The following RBFOX1 variants were observed in gnomAD, a reference collection of about 807,000 sequenced individuals.
RBFOX1 encodes the protein RNA binding protein fox-1 homolog 1.
Under a neutral mutation model 57.7 loss-of-function variants are expected in RBFOX1, and 8 were observed. That is an observed-to-expected ratio of 0.14 (90% CI 0.08 to 0.25). The LOEUF (loss-of-function observed/expected upper bound fraction) is 0.25, where lower values mean the gene tolerates loss of function less well. Ranked by LOEUF, RBFOX1 falls within the 10% of genes least tolerant of loss-of-function variation. The pLI is 1.00. For missense variants in RBFOX1, 611 were observed against 548.5 expected, an observed-to-expected ratio of 1.11 and a Z score of -1.14; for synonymous variants, 326 against 222.4, an observed-to-expected ratio of 1.47 and a Z score of -4.15.
At chr16:7,061,597 A>G (rs998559146) in intron 4 of RBFOX1, among the ~76,000 whole-genome samples, 1 of 152,160 alleles carries the variant, frequency 6.6e-6, no homozygotes, top group Non-Finnish European at 1.5e-5. Flanking sequence ...CATTTAGGAT[A>G]TTTGGCCTAA....
rs550237592 is a variant in RBFOX1, at chr16:7,669,928, C to T, written c.930+4960C>T. On this transcript the variant is annotated intron_variant, in intron 13 of 15. Coordinates refer to ENST00000550418, the MANE Select transcript of RBFOX1 (RefSeq NM_018723.4). ...AGAAATCAGGCGAATGCTGTGTTTGCAATGGGAGAGACAAGATGTTGAGTG... is the reference window on the plus strand; with the variant it reads ...AGAAATCAGGCGAATGCTGTGTTTGTAATGGGAGAGACAAGATGTTGAGTG... Among the ~76,000 whole-genome samples, 4 of 152,224 alleles carry T rather than the reference C, an allele frequency of 2.6e-5. 1 individual carries two copies. In the South Asian group the frequency reaches 8.3e-4, roughly 32 times the overall value.
chr16:6,013,065 ATTG>A (rs1043436660), intron 4 of RBFOX1, among the ~76,000 whole-genome samples: 3 of 152,040 alleles, frequency 2.0e-5, no homozygotes, highest in Non-Finnish European at 2.9e-5. Flanking sequence ...CATCATCATC[ATTG>A]TTGTCATTGT....
chr16:7,293,097 G>C (rs1435127866), intron 4 of RBFOX1, among the ~76,000 whole-genome samples: 2 of 152,154 alleles, frequency 1.3e-5, no homozygotes, highest in African/African-American at 4.8e-5. Flanking sequence ...GGATGTGATA[G>C]ATACCGTTGA....
chr16:7,484,664 A>C (rs888938363), intron 4 of RBFOX1, among the ~76,000 whole-genome samples: 72 of 152,258 alleles, frequency 4.7e-4, no homozygotes, highest in African/African-American at 1.6e-3. Context: ...AGGTTTCACC[A>C]TGTTGGTCAG....
intron 3 of RBFOX1, among the ~76,000 whole-genome samples, chr16:7,006,746 C>T (rs1358169078): frequency 6.6e-6 from 1 of 152,142 alleles, no homozygotes; most frequent in Non-Finnish European, 1.5e-5. Context: ...CCATGCCTGG[C>T]AATTAATTTG....
chr16:7,451,303 T>G (rs552773207), intron 4 of RBFOX1, among the ~76,000 whole-genome samples: 1 of 152,368 alleles, frequency 6.6e-6, no homozygotes, highest in East Asian at 1.9e-4. Flanking sequence ...AGGGATGTCT[T>G]GAACGGATGG....
At chr16:6,310,267 C>A (rs963979044) in intron 1 of RBFOX1, among the ~76,000 whole-genome samples, 2 of 152,162 alleles carry the variant, frequency 1.3e-5, no homozygotes, top group African/African-American at 4.8e-5. Flanking sequence ...AAGAGAAGAG[C>A]CTCACTGGTT....
At chr16:6,898,364 G>A (rs1472833519) in intron 3 of RBFOX1, among the ~76,000 whole-genome samples, 1 of 152,154 alleles carries the variant, frequency 6.6e-6, no homozygotes, top group Non-Finnish European at 1.5e-5. Flanking sequence ...AGAGGTGAAG[G>A]CTAAAGAATG....
At chr16:6,614,169 A>T (rs77551327) in intron 2 of RBFOX1, among the ~76,000 whole-genome samples, 2 of 152,192 alleles carry the variant, frequency 1.3e-5, no homozygotes, top group Non-Finnish European at 1.5e-5. Context: ...TCTACAGATC[A>T]TATCATTCAG....
intron 1 of RBFOX1, among the ~76,000 whole-genome samples, chr16:5,241,449 C>A (rs556510678): frequency 1.7e-4 from 26 of 152,358 alleles, no homozygotes; most frequent in African/African-American, 5.5e-4. Context: ...TACGTGGACT[C>A]TGCCAAAGAC....
chr16:5,384,513 C>G (rs2066208389), intron 1 of RBFOX1, among the ~76,000 whole-genome samples: 1 of 152,096 alleles, frequency 6.6e-6, no homozygotes, highest in Non-Finnish European at 1.5e-5. Flanking sequence ...CCAGAGAGAG[C>G]AAGAGTAGGC....
At chr16:6,415,242 C>CAAAAAAAAAAAAAAAAAAAAAAAAAAAA (rs57296761) in intron 2 of RBFOX1, among the ~76,000 whole-genome samples, 1 of 102,098 alleles carries the variant, frequency 9.8e-6, no homozygotes, top group Non-Finnish European at 2.0e-5. Flanking sequence ...AACTCTGTCA[C>CAAAAAAAAAAAAAAAAAAAAAAAAAAAA]AAAAAAAAAA....
At chr16:5,392,329 A>G (rs2066434460) in intron 1 of RBFOX1, among the ~76,000 whole-genome samples, 1 of 152,176 alleles carries the variant, frequency 6.6e-6, no homozygotes, top group Admixed American at 6.6e-5. Context: ...GTCACATCAT[A>G]TTAGGACTCA....
intron 14 of RBFOX1, among the ~76,000 whole-genome samples, chr16:7,704,051 G>C (rs890484094): frequency 2.6e-5 from 4 of 152,170 alleles, no homozygotes; most frequent in Non-Finnish European, 4.4e-5. Flanking sequence ...GAGTTAGGTA[G>C]GGCTCAGTCA....
chr16:6,941,205 C>T (rs1240352337), intron 3 of RBFOX1, among the ~76,000 whole-genome samples: 1 of 150,152 alleles, frequency 6.7e-6, no homozygotes, highest in Non-Finnish European at 1.5e-5. Flanking sequence ...TATATATATT[C>T]CCTTCCTTCC....
chr16:7,304,987 CGGT>C (rs1267345001), intron 4 of RBFOX1, among the ~76,000 whole-genome samples: 11 of 146,952 alleles, frequency 7.5e-5, no homozygotes, highest in Non-Finnish European at 1.6e-4. Context: ...GTGCTATATT[CGGT>C]CCGCATGGGA....
chr16:6,630,140 A>C (rs1246301492), intron 2 of RBFOX1, among the ~76,000 whole-genome samples: 17 of 152,040 alleles, frequency 1.1e-4, no homozygotes, highest in Admixed American at 1.1e-3. Context: ...TTACTCAGCT[A>C]CTTCAGCATC....
At chr16:6,237,863 G>A (rs1021065319) in intron 1 of RBFOX1, among the ~76,000 whole-genome samples, 1 of 152,102 alleles carries the variant, frequency 6.6e-6, no homozygotes, top group African/African-American at 2.4e-5. Flanking sequence ...GGAGGCCAAG[G>A]TGGGCGGGTC....
intron 3 of RBFOX1, among the ~76,000 whole-genome samples, chr16:6,776,755 T>A (rs1426473906): frequency 6.6e-6 from 1 of 152,230 alleles, no homozygotes; most frequent in African/African-American, 2.4e-5. Flanking sequence ...GCTAAACTTT[T>A]CTGCACTAAT....
Sources: allele counts gnomAD v4.1 joint callset (sites outside exome capture counted in the v4.1 genomes callset), GRCh38; gene constraint gnomAD v4.1.1; transcripts MANE v1.5; gene names NCBI Gene and HGNC (gene_info 2026-07-23, HGNC 2026-07-21).